NLRP13: variants seen among roughly 807,000 people sequenced by gnomAD.
The protein encoded by NLRP13 is NLR family pyrin domain containing 13, also known as NACHT, LRR and PYD domains-containing protein 13.
Under a neutral mutation model 94.4 loss-of-function variants are expected in NLRP13, and 82 were observed. The observed-to-expected ratio is 0.87, with a 90% confidence interval of 0.73 to 1.04. The LOEUF is 1.04. NLRP13 is among the 50% of genes least tolerant of loss of function. The probability of loss-of-function intolerance (pLI) is 0.00; values close to 1 mark genes in which losing one functional copy is unlikely to be tolerated. For synonymous variants in NLRP13, 553 were observed against 464.7 expected, an observed-to-expected ratio of 1.19 and a Z score of -2.45; for missense variants, 1,426 against 1,230.8, an observed-to-expected ratio of 1.16 and a Z score of -2.37.
rs188240771 is a variant in NLRP13, at chr19:55,912,947, G to T, written c.870C>A (p.Pro290=). The stretch of plus-strand genomic sequence containing the variant: ...ACTCTTCAATGGGGGCATCAAAATC[G>T]GGCCAATCCAAAGAAATCAATTCAG... ...TFAELISLDW[P]DFDAPIEEFM... is the part of the protein sequence containing the mutation. The change falls in exon 5 of 11, where the codon CCC becomes CCA. Residue 290 remains proline, a synonymous_variant. Coordinates refer to ENST00000342929, the MANE Select transcript of NLRP13 (RefSeq NM_176810.2). 1.9e-6 allele frequency: 3 copies of T among 1,613,950 alleles called. No homozygotes were observed. The highest frequency in any genetic ancestry group is 1.1e-5 in the South Asian group (1 of 91,078).
Position 55,912,677 on chromosome 19 carries a change from A to C in NLRP13, c.1140T>G (p.Phe380Leu). The C allele has an allele frequency of 1.9e-6, 3 of 1,614,218 alleles. No individual in the cohort carries two copies. The highest frequency in any genetic ancestry group is 2.5e-6 in the Non-Finnish European group (3 of 1,180,042). The change falls in exon 5 of 11, where the codon TTT (phenylalanine) becomes TTG (leucine). Residue 380 changes from phenylalanine to leucine, a missense_variant. Coordinates refer to ENST00000342929, the MANE Select transcript of NLRP13 (RefSeq NM_176810.2). ...CCCCTGTGAACCCTGTAATTTGTACAAAGCATGGATTCACTAATGAGGCCT... is the reference window on the plus strand; with the variant it reads ...CCCCTGTGAACCCTGTAATTTGTACCAAGCATGGATTCACTAATGAGGCCT... ...DLKASLVNPC[F>L]VQITGFTGDD...
intron 10 of NLRP13, among the ~76,000 whole-genome samples, chr19:55,897,796 G>T (rs1986054479): frequency 6.6e-6 from 1 of 152,130 alleles, no homozygotes; most frequent in Non-Finnish European, 1.5e-5. Context: ...GGTTTGAGGT[G>T]GCTGGTAAAC....
chr19:55,924,889 T>C, intron 2 of NLRP13, 78 bp downstream of exon 2: 1 of 1,220,178 alleles, frequency 8.2e-7, no homozygotes, highest in Non-Finnish European at 1.2e-6. Flanking sequence ...AATTTCAGAG[T>C]AGGCAGCGGA....
At chr19:55,900,705 G>A (rs1340115923) in intron 9 of NLRP13, among the ~76,000 whole-genome samples, 1 of 150,342 alleles carries the variant, frequency 6.7e-6, no homozygotes, top group East Asian at 2.0e-4. Flanking sequence ...GAACCCAGGA[G>A]GCTGAGCTTG....
At chr19:55,895,485 C>T (rs1985981950), downstream of NLRP13, among the ~76,000 whole-genome samples, 1 of 152,070 alleles carries the variant, frequency 6.6e-6, no homozygotes, top group Admixed American at 6.6e-5. Flanking sequence ...GAGTTCAAGA[C>T]CAGCCTGGCC....
chr19:55,909,565 T>C (rs983169980), intron 6 of NLRP13, among the ~76,000 whole-genome samples: 1 of 151,460 alleles, frequency 6.6e-6, no homozygotes, highest in Non-Finnish European at 1.5e-5. Flanking sequence ...TCCTAATTTA[T>C]AGCTTTGCCA....
At chr19:55,900,616 A>AAT (rs1555813785) in intron 9 of NLRP13, among the ~76,000 whole-genome samples, 1 of 151,404 alleles carries the variant, frequency 6.6e-6, no homozygotes, top group African/African-American at 2.4e-5. Context: ...CTAAAAAAAA[A>AAT]ATACAAAAAA....
Position 55,902,186 on chromosome 19 carries a change from C to T in NLRP13, c.2638G>A (p.Ala880Thr). The change falls in exon 9 of 11, where the codon GCA becomes ACA. Residue 880 changes from alanine to threonine, a missense_variant. Ala to Thr is a moderately conservative substitution (Grantham distance 58). Transcript: ENST00000342929. ...ERLELWFCQL[A>T]APACKHLSDA... ...GACAAGTGCTTGCAAGCGGGTGCTG[C>T]CAGCTGGCAAAACCAGAGCCTGCAG... 1.9e-6 allele frequency: 3 copies of T among 1,613,864 alleles called. No individual in the cohort carries two copies. The highest frequency in any genetic ancestry group is 1.3e-5 in the African/African-American group (1 of 75,028).
chr19:55,921,618 T>G (rs115706016), intron 4 of NLRP13, among the ~76,000 whole-genome samples: 3,111 of 152,260 alleles, frequency 0.02, 104 homozygotes, highest in African/African-American at 0.069. Flanking sequence ...TAATAAATAT[T>G]ACCTGTTATG....
Position 55,913,162 on chromosome 19 carries a change from G to A in NLRP13, c.655C>T (p.Leu219=), listed in dbSNP as rs369659405. 6.2e-7 allele frequency: 1 copy of A among 1,614,032 alleles called. No homozygotes were observed. Among genetic ancestry groups the A allele is most frequent in the African/African-American group, 1.3e-5 (1 of 74,896 alleles). ...KDEHEELQRL[L]DPNRTRAQAQ... ...TGGGCTCTAGTCCTATTAGGATCCAGTAGGCGCTGCAGTTCCTCATGTTCG... is the reference window on the plus strand; with the variant it reads ...TGGGCTCTAGTCCTATTAGGATCCAATAGGCGCTGCAGTTCCTCATGTTCG... The change falls in exon 5 of 11, where the codon CTG becomes TTG. Residue 219 remains leucine (L), a synonymous_variant. Transcript: ENST00000342929.
At chr19:55,892,361 A>G (rs1212203543), downstream of NLRP13, among the ~76,000 whole-genome samples, 1 of 111,316 alleles carries the variant, frequency 9.0e-6, no homozygotes, top group Non-Finnish European at 1.8e-5. Flanking sequence ...CAACAAATAT[A>G]TGTGTATATA....
downstream of NLRP13, among the ~76,000 whole-genome samples, chr19:55,893,547 C>T (rs906429029): frequency 1.3e-5 from 2 of 152,054 alleles, no homozygotes; most frequent in Non-Finnish European, 2.9e-5. Context: ...TAGCCTTACC[C>T]ACAGATGTCA....
chr19:55,911,060 TG>T (rs962178472), intron 5 of NLRP13, among the ~76,000 whole-genome samples: 3 of 152,006 alleles, frequency 2.0e-5, no homozygotes, highest in Non-Finnish European at 4.4e-5. Context: ...TGTCAGGGTG[TG>T]GGGGTTGCAA....
At chr19:55,917,533 A>C (rs189169007) in intron 4 of NLRP13, among the ~76,000 whole-genome samples, 129 of 151,960 alleles carry the variant, frequency 8.5e-4, no homozygotes, top group African/African-American at 3.0e-3. Context: ...TTAAAAAAAA[A>C]CTCATCTTAC....
At chr19:55,892,146 T>C, downstream of NLRP13, 1 of 1,231,500 alleles carries the variant, frequency 8.1e-7, no homozygotes, top group Non-Finnish European at 1.0e-6. Context: ...GTACTGAAGT[T>C]TAGAAGCAGT....
chr19:55,900,989 G>A (rs370090711), intron 9 of NLRP13, among the ~76,000 whole-genome samples: 3 of 152,082 alleles, frequency 2.0e-5, no homozygotes, highest in South Asian at 2.1e-4. Flanking sequence ...AGTGGCTCAC[G>A]TCTTGGTACA....
chr19:55,912,666 G>T lies in NLRP13; in HGVS notation c.1151C>A (p.Thr384Lys). The T allele has an allele frequency of 6.2e-6, 10 of 1,614,162 alleles. No homozygotes were observed. The highest frequency in any genetic ancestry group is 8.5e-6 in the Non-Finnish European group (10 of 1,180,014). Residue 384 changes from threonine (T) to lysine (K), a missense_variant, in exon 5 of 11, where the codon ACA (threonine) becomes AAA (lysine). By Grantham distance (78) the Thr-to-Lys change is moderately conservative (BLOSUM62 -1). Coordinates refer to ENST00000342929, the MANE Select transcript of NLRP13 (RefSeq NM_176810.2). The part of the protein sequence containing the change: ...SLVNPCFVQI[T>K]GFTGDDLRVY... ...CCGTAGGTCGTCCCCTGTGAACCCT[G>T]TAATTTGTACAAAGCATGGATTCAC... is the stretch of plus-strand genomic sequence containing the variant.
intron 1 of NLRP13, among the ~76,000 whole-genome samples, chr19:55,930,898 A>ATATATATAT: frequency 3.8e-5 from 4 of 104,898 alleles, no homozygotes; most frequent in African/African-American, 7.7e-5. Flanking sequence ...ATATATATAT[A>ATATATATAT]AAATTTTAAC....
chr19:55,905,475 A>T (rs1373466829), intron 7 of NLRP13, among the ~76,000 whole-genome samples: 1 of 117,436 alleles, frequency 8.5e-6, no homozygotes, highest in East Asian at 2.9e-4. Flanking sequence ...ACATATATAC[A>T]TATATATATA....
Sources: allele counts gnomAD v4.1 joint callset (sites outside exome capture counted in the v4.1 genomes callset), GRCh38; gene constraint gnomAD v4.1.1; transcripts MANE v1.5; gene names NCBI Gene and HGNC (gene_info 2026-07-23, HGNC 2026-07-21).